The following COL21A1 variants were observed in gnomAD, a reference collection of about 807,000 sequenced individuals.
COL21A1 encodes collagen alpha-1(XXI) chain.
A neutral mutation model predicts 137.9 loss-of-function variants in COL21A1; 149 were observed. The ratio of observed to expected loss-of-function variants is 1.08; its 90% CI spans 0.95 to 1.24. The LOEUF is 1.24. Ranked by LOEUF, COL21A1 falls within the 50% of genes most tolerant of loss-of-function variation. The probability of loss-of-function intolerance (pLI) is 0.00; values close to 1 mark genes in which losing one functional copy is unlikely to be tolerated. For synonymous variants in COL21A1, 456 were observed against 391.5 expected (o/e 1.16, Z -1.95); for missense variants, 1,167 against 1,158.4 (o/e 1.01, Z -0.11).
intron 6 of COL21A1, among the ~76,000 whole-genome samples, chr6:56,167,907 T>C (rs1033454641): frequency 6.6e-6 from 1 of 152,142 alleles, no homozygotes; most frequent in Non-Finnish European, 1.5e-5. Context: ...CAGGGGAACA[T>C]TTTTCTAAAT....
chr6:56,060,485 C>A, intron 27 of COL21A1: 1 of 474,488 alleles, frequency 2.1e-6, no homozygotes. Context: ...TATTTATGAA[C>A]TAAATTATCA....
At chr6:56,234,639 C>T (rs1431671026) in intron 1 of COL21A1, among the ~76,000 whole-genome samples, 1 of 151,582 alleles carries the variant, frequency 6.6e-6, no homozygotes, top group African/African-American at 2.4e-5. Context: ...GCACTTTCAT[C>T]TCCATCACCA....
chr6:56,249,814 GA>G (rs908797009), upstream of COL21A1, among the ~76,000 whole-genome samples: 5 of 152,130 alleles, frequency 3.3e-5, no homozygotes, highest in African/African-American at 1.2e-4. Flanking sequence ...TGACGATTTT[GA>G]ATATACTAAA....
At chr6:56,144,572 CT>C (rs1774689702) in intron 10 of COL21A1, among the ~76,000 whole-genome samples, 1 of 152,222 alleles carries the variant, frequency 6.6e-6, no homozygotes, top group Admixed American at 6.5e-5. Flanking sequence ...TGCCTTACTA[CT>C]TTTTTAGGAA....
chr6:56,332,761 T>C (rs1382553281), intron 1 of COL21A1, among the ~76,000 whole-genome samples: 1 of 152,008 alleles, frequency 6.6e-6, no homozygotes, highest in Non-Finnish European at 1.5e-5. Flanking sequence ...TGCTTTTGTG[T>C]GATTTGTTTA....
intron 9 of COL21A1, among the ~76,000 whole-genome samples, chr6:56,161,721 A>C (rs1212459953): frequency 6.6e-6 from 1 of 152,188 alleles, no homozygotes; most frequent in Non-Finnish European, 1.5e-5. Context: ...AGTGACAGAT[A>C]ATTTTTTGAT....
chr6:56,209,703 G>A (rs1221737595), intron 1 of COL21A1, among the ~76,000 whole-genome samples: 1 of 152,176 alleles, frequency 6.6e-6, no homozygotes, highest in Non-Finnish European at 1.5e-5. Flanking sequence ...TTCAACCATT[G>A]TGGAAGACAG....
intron 17 of COL21A1, among the ~76,000 whole-genome samples, chr6:56,099,732 TAA>T (rs1770279255): frequency 1.3e-5 from 2 of 152,002 alleles, no homozygotes; most frequent in Admixed American, 1.3e-4. Context: ...CATAAACAAA[TAA>T]TCACACCCAG....
At chr6:56,153,079 A>G (rs1391618732) in intron 10 of COL21A1, among the ~76,000 whole-genome samples, 1 of 152,216 alleles carries the variant, frequency 6.6e-6, no homozygotes, top group Non-Finnish European at 1.5e-5. Flanking sequence ...CTTAAGTAAA[A>G]GTGAGAAAGG....
At chr6:56,266,942 C>G (rs1763407171) in intron 1 of COL21A1, among the ~76,000 whole-genome samples, 1 of 152,156 alleles carries the variant, frequency 6.6e-6, no homozygotes, top group South Asian at 2.1e-4. Flanking sequence ...CAGCAAACAG[C>G]TCGGGCAGAA....
At chr6:56,278,668 T>C (rs1288275133) in intron 1 of COL21A1, among the ~76,000 whole-genome samples, 1 of 152,204 alleles carries the variant, frequency 6.6e-6, no homozygotes, top group African/African-American at 2.4e-5. Context: ...CTAGAACAAC[T>C]CTTTGGCTGA....
intron 1 of COL21A1, among the ~76,000 whole-genome samples, chr6:56,253,238 G>A (rs1782895595): frequency 6.6e-6 from 1 of 152,168 alleles, no homozygotes; most frequent in Admixed American, 6.5e-5. Flanking sequence ...AAACATCACA[G>A]CCCAGAGGCC....
chr6:56,354,687 G>T (rs1444656974), intron 1 of COL21A1, among the ~76,000 whole-genome samples: 2 of 152,136 alleles, frequency 1.3e-5, no homozygotes. Flanking sequence ...TTTGAGACCA[G>T]CCTGGGCAAC....
chr6:56,390,061 C>A (rs2094026105), intron 1 of COL21A1, among the ~76,000 whole-genome samples: 2 of 152,156 alleles, frequency 1.3e-5, no homozygotes, highest in East Asian at 3.9e-4. Context: ...AGTGTGTAAA[C>A]CACTCATATA....
chr6:56,263,580 A>G (rs1256618604), intron 1 of COL21A1, among the ~76,000 whole-genome samples: 1 of 152,232 alleles, frequency 6.6e-6, no homozygotes, highest in East Asian at 1.9e-4. Context: ...ATTACAAAAG[A>G]AAGTCCCACT....
intron 1 of COL21A1, among the ~76,000 whole-genome samples, chr6:56,304,929 T>A (rs1333018160): frequency 2.0e-5 from 3 of 152,222 alleles, no homozygotes; most frequent in African/African-American, 7.2e-5. Context: ...TCTGGTATGT[T>A]GTGTCTTTGT....
In COL21A1 at chr6:56,083,497, C is replaced by T. The variant is rs567344245; in HGVS notation, c.1813-5924G>A. Among the ~76,000 whole-genome samples the T allele has an allele frequency of 5.3e-4, 80 of 152,020 alleles. No homozygotes were observed. The South Asian group carries it at 0.016, about 31-fold the overall frequency. ...TGGAATAAAATTTCCATCTCAAGGA[C>T]ATTAACCTTAATCACATCTACAAAA... On this transcript the variant is annotated intron_variant, in intron 17 of 29. Transcript: ENST00000244728.
intron 1 of COL21A1, among the ~76,000 whole-genome samples, chr6:56,272,439 T>C (rs770546937): frequency 7.9e-5 from 12 of 152,172 alleles, no homozygotes; most frequent in Non-Finnish European, 1.5e-5. Context: ...TACAGGCTCA[T>C]AGGCGGAAGG....
chr6:56,369,756 C>T (rs934939885), intron 1 of COL21A1, among the ~76,000 whole-genome samples: 1 of 152,068 alleles, frequency 6.6e-6, no homozygotes, highest in Non-Finnish European at 1.5e-5. Context: ...ACATAAATGG[C>T]CATAAATACG....
Sources: gnomAD v4.1 joint callset for allele counts (sites outside exome capture counted in the v4.1 genomes callset) on GRCh38, gnomAD v4.1.1 for gene constraint, MANE v1.5 for transcripts, NCBI Gene and HGNC (gene_info 2026-07-23, HGNC 2026-07-21) for gene names.